MAGI3: variants seen among roughly 807,000 people sequenced by gnomAD.
MAGI3 encodes membrane-associated guanylate kinase, WW and PDZ domain-containing protein 3.
MAGI3 carries 43 observed loss-of-function variants against 121.8 expected under a neutral mutation model. That is an observed-to-expected ratio of 0.35 (90% CI 0.28 to 0.46). The LOEUF is 0.46. MAGI3 is among the 20% of genes least tolerant of loss of function. The pLI is 1.00. For missense variants in MAGI3, 1,547 were observed against 1,797.3 expected (o/e 0.86, Z 2.52); for synonymous variants, 553 against 639.3 (o/e 0.86, Z 2.04).
At chr1:113,548,130 A>G (rs566509292) in intron 1 of MAGI3, among the ~76,000 whole-genome samples, 17 of 152,346 alleles carry the variant, frequency 1.1e-4, no homozygotes, top group Admixed American at 3.3e-4. Context: ...GATCAATAGT[A>G]TTTGGTTTAT....
chr1:113,638,511 C>T (rs1303810166), intron 9 of MAGI3, among the ~76,000 whole-genome samples: 1 of 152,246 alleles, frequency 6.6e-6, no homozygotes, highest in Non-Finnish European at 1.5e-5. Flanking sequence ...ACCCTGTTTG[C>T]CCGGGTACCA....
intron 2 of MAGI3, among the ~76,000 whole-genome samples, chr1:113,561,994 C>G (rs763284844): frequency 6.6e-6 from 1 of 152,084 alleles, no homozygotes; most frequent in Non-Finnish European, 1.5e-5. Context: ...AGCCAAAATC[C>G]AGAATGAACT....
intron 6 of MAGI3, among the ~76,000 whole-genome samples, chr1:113,613,512 A>G (rs1039641057): frequency 7.2e-5 from 11 of 152,204 alleles, no homozygotes; most frequent in African/African-American, 2.7e-4. Flanking sequence ...TTTTACTTAC[A>G]AAGTTGGTAT....
At chr1:113,538,574 A>C (rs1209701183) in intron 1 of MAGI3, among the ~76,000 whole-genome samples, 1 of 152,198 alleles carries the variant, frequency 6.6e-6, no homozygotes, top group Non-Finnish European at 1.5e-5. Flanking sequence ...TCATAATCCC[A>C]TAAAAAGTTT....
Position 113,464,949 on chromosome 1 carries a change from G to GTC in MAGI3, c.316+73604_316+73605dup, listed in dbSNP as rs200278285. ...AAGATTTTCTCTCATTCTGTGGGTT[G>GTC]TCTCTTTGCTTTGTGGTTGTTTCCT... On this transcript the variant is annotated intron_variant, in intron 1 of 20. Transcript: ENST00000307546. Among the ~76,000 whole-genome samples the GTC allele has an allele frequency of 7.3e-3, 1,108 of 152,246 alleles. 11 individuals are homozygous for GTC. Among genetic ancestry groups the GTC allele is most frequent in the African/African-American group, 0.025 (1,054 of 41,554 alleles).
At chr1:113,407,360 A>AGGAAGGGAGAGGACTTCAAG (rs1651737948) in intron 1 of MAGI3, among the ~76,000 whole-genome samples, 1 of 152,076 alleles carries the variant, frequency 6.6e-6, no homozygotes, top group Non-Finnish European at 1.5e-5. Flanking sequence ...ATTGCAGGTA[A>AGGAAGGGAGAGGACTTCAAG]GGAAGGGAGA....
chr1:113,629,814 C>G (rs1651507312), intron 9 of MAGI3, among the ~76,000 whole-genome samples: 1 of 130,898 alleles, frequency 7.6e-6, no homozygotes, highest in Non-Finnish European at 1.6e-5. Context: ...TTCTCTCTCT[C>G]TGTGCTGAGC....
At chr1:113,642,608 A>C in intron 10 of MAGI3, 92 bp downstream of exon 10, 1 of 1,379,154 alleles carries the variant, frequency 7.3e-7, no homozygotes, top group Non-Finnish European at 9.8e-7. Context: ...GTGTTTTCCC[A>C]GCAGACTTAA....
intron 1 of MAGI3, among the ~76,000 whole-genome samples, chr1:113,407,571 TC>T (rs1651755562): frequency 8.1e-6 from 1 of 123,414 alleles, no homozygotes; most frequent in Non-Finnish European, 1.8e-5. Context: ...CATCAATCTG[TC>T]TTTTTTTTTT....
Position 113,673,303 on chromosome 1 carries a change from T to A in MAGI3, c.3046-19T>A, listed in dbSNP as rs1476868465. ...ACAGTCCATGAGAACTTGCTTTTCT[T>A]ATACTTCTTTCTCTCTAGAACCTTG... On this transcript the variant is annotated intron_variant, in intron 18 of 20. Transcript: ENST00000307546. 6.2e-7 allele frequency: 1 copy of A among 1,605,220 alleles called. No individual in the cohort carries two copies. The highest frequency in any genetic ancestry group is 8.5e-7 in the Non-Finnish European group (1 of 1,178,228).
chr1:113,642,785 A>G (rs1374634327), intron 10 of MAGI3, among the ~76,000 whole-genome samples: 1 of 152,220 alleles, frequency 6.6e-6, no homozygotes, highest in African/African-American at 2.4e-5. Flanking sequence ...TAATGATTAG[A>G]GAGAGTCACA....
In MAGI3 at chr1:113,684,083, CT is replaced by C. The variant is rs141967702; in HGVS notation, c.*82del. The C allele has an allele frequency of 0.12, 118,131 of 1,005,912 alleles. 2 individuals carry two copies. The highest frequency in any genetic ancestry group is 0.15 in the South Asian group (6,674 of 43,376). 62.3% of individuals were successfully genotyped at this position (1,005,912 alleles called of 1,614,324 possible). A position where few individuals can be genotyped will look rare whatever the true frequency, so the allele number is the denominator to read the frequency against. On this transcript the variant is annotated 3_prime_UTR_variant, in exon 21 of 21. Coordinates refer to ENST00000307546, the MANE Select transcript of MAGI3 (RefSeq NM_001142782.2). ...ACAGCAGCATTTTTCCAGAAAAAGC[CT>C]TTTTTTTTTTTTCAGATATTCTGAA...
intron 1 of MAGI3, among the ~76,000 whole-genome samples, chr1:113,456,020 G>T (rs567753518): frequency 6.6e-6 from 1 of 151,180 alleles, no homozygotes; most frequent in African/African-American, 2.4e-5. Flanking sequence ...GCATGATCTC[G>T]GCTCATTGCA....
At chr1:113,628,478 T>G (rs541006532) in intron 9 of MAGI3, among the ~76,000 whole-genome samples, 2 of 152,204 alleles carry the variant, frequency 1.3e-5, no homozygotes, top group Non-Finnish European at 2.9e-5. Context: ...CAGTTTAATA[T>G]TCTATGTTTT....
At chr1:113,594,435 C>A (rs764846721) in intron 5 of MAGI3, 46 bp from the exon 6 acceptor site, 3 of 1,436,158 alleles carry the variant, frequency 2.1e-6, no homozygotes, top group Middle Eastern at 1.8e-4. Context: ...AAATAATTTT[C>A]TCCTCCTTTA....
At chr1:113,678,499 T>C (rs1430057836) in intron 19 of MAGI3, among the ~76,000 whole-genome samples, 1 of 152,222 alleles carries the variant, frequency 6.6e-6, no homozygotes, top group Admixed American at 6.5e-5. Context: ...GTTTCTGATA[T>C]TGTCCATTTG....
At chr1:113,594,264 T>G (rs903613831) in intron 5 of MAGI3, among the ~76,000 whole-genome samples, 1 of 152,238 alleles carries the variant, frequency 6.6e-6, no homozygotes, top group Non-Finnish European at 1.5e-5. Flanking sequence ...GTCTCTTGAT[T>G]CTCAAGTTAG....
At chr1:113,550,114 T>TAA (rs746718813) in intron 2 of MAGI3, among the ~76,000 whole-genome samples, 2 of 70,278 alleles carry the variant, frequency 2.8e-5, no homozygotes, top group African/African-American at 1.1e-4. Context: ...ATACTCTGTC[T>TAA]AAAAAAAAAA....
intron 1 of MAGI3, among the ~76,000 whole-genome samples, chr1:113,482,289 C>T (rs942433072): frequency 2.0e-5 from 3 of 151,726 alleles, no homozygotes; most frequent in East Asian, 1.9e-4. Flanking sequence ...GTAAGTCATC[C>T]GGTAGTCTTT....
Sources: allele counts gnomAD v4.1 joint callset (sites outside exome capture counted in the v4.1 genomes callset), GRCh38; gene constraint gnomAD v4.1.1; transcripts MANE v1.5; gene names NCBI Gene and HGNC (gene_info 2026-07-23, HGNC 2026-07-21).